ADCY7: variants seen among roughly 807,000 people sequenced by gnomAD.
The protein encoded by ADCY7 is adenylate cyclase type 7.
ADCY7 carries 72 observed loss-of-function variants against 120.6 expected under a neutral mutation model. That is an observed-to-expected ratio of 0.60 (90% CI 0.49 to 0.73). The LOEUF is 0.73. ADCY7 is among the 30% of genes least tolerant of loss of function. The pLI is 0.00. For missense variants in ADCY7, 1,227 were observed against 1,486.0 expected, an observed-to-expected ratio of 0.83 and a Z score of 2.87; for synonymous variants, 661 against 628.0, an observed-to-expected ratio of 1.05 and a Z score of -0.78.
At chr16:50,270,526 T>C (rs2033497492) in intron 1 of ADCY7, among the ~76,000 whole-genome samples, 1 of 152,182 alleles carries the variant, frequency 6.6e-6, no homozygotes, top group Admixed American at 6.5e-5. Context: ...TTAAATGAGC[T>C]GATGCACACT....
At chr16:50,246,181 G>C (rs1425865229) in exon 1 of ADCY7, 1 of 149,312 alleles carries the variant, frequency 6.7e-6, no homozygotes, top group Non-Finnish European at 1.5e-5. Flanking sequence ...CTCGGGCGGC[G>C]GTGGAGCGGG....
Position 50,298,960 on chromosome 16 carries a change from C to T in ADCY7, c.1005C>T (p.Gly335=), listed in dbSNP as rs74517084. Residue 335 remains glycine, a synonymous_variant, in exon 8 of 26, where the codon GGC becomes GGT. Coordinates refer to ENST00000673801, the MANE Select transcript of ADCY7 (RefSeq NM_001114.5). ...ILGDCYYCVS[G]LPVSLPTHAR... ...GCGACTGCTACTACTGTGTATCGGG[C>T]CTGCCCGTGTCGCTGCCTACCCACG... 123 of 1,613,748 alleles carry T rather than the reference C, an allele frequency of 7.6e-5. No individual in the cohort carries two copies. Among genetic ancestry groups the T allele is most frequent in the South Asian group, 9.9e-5 (9 of 91,092 alleles).
intron 1 of ADCY7, among the ~76,000 whole-genome samples, chr16:50,269,715 G>A (rs922293731): frequency 1.3e-5 from 2 of 152,160 alleles, no homozygotes; most frequent in African/African-American, 2.4e-5. Context: ...TCATACTGAG[G>A]TGACACAGCA....
At chr16:50,259,202 C>CA (rs1567528876) in intron 1 of ADCY7, among the ~76,000 whole-genome samples, 1 of 152,032 alleles carries the variant, frequency 6.6e-6, no homozygotes, top group African/African-American at 2.4e-5. Flanking sequence ...TTCTTGTATG[C>CA]AAAAAAATAC....
intron 1 of ADCY7, among the ~76,000 whole-genome samples, chr16:50,272,525 T>G (rs533069986): frequency 6.7e-4 from 102 of 152,232 alleles, no homozygotes; most frequent in African/African-American, 2.3e-3. Context: ...ACTGAGGCCC[T>G]GGGAGCTCTG....
At chr16:50,305,068 C>T in intron 12 of ADCY7, 109 bp downstream of exon 12, 1 of 1,427,986 alleles carries the variant, frequency 7.0e-7, no homozygotes, top group South Asian at 1.1e-5. Flanking sequence ...CAGCCCAGGA[C>T]CTCTGTGAAG....
At chr16:50,271,621 A>G (rs895277473) in intron 1 of ADCY7, among the ~76,000 whole-genome samples, 4 of 149,986 alleles carry the variant, frequency 2.7e-5, no homozygotes, top group African/African-American at 9.8e-5. Context: ...TTCCCTCCCC[A>G]CTCCCGCCAC....
intron 1 of ADCY7, among the ~76,000 whole-genome samples, chr16:50,255,688 C>T (rs2032899475): frequency 6.6e-6 from 1 of 152,160 alleles, no homozygotes; most frequent in South Asian, 2.1e-4. Flanking sequence ...GATGGGGTTT[C>T]AACATGCTGC....
In ADCY7 at chr16:50,301,168, A is replaced by G; in HGVS notation, c.1322A>G (p.Tyr441Cys). The change falls in exon 10 of 26, where the codon TAC becomes TGC. Residue 441 changes from tyrosine to cysteine, a missense_variant. This residue lies in a region of ADCY7 where 332 missense variants were observed against 455.8 expected (regional missense o/e 0.73). Transcript: ENST00000673801. ...GGGCACGGGCAGCAGCGGGACCCCT[A>G]CCTCAAGGAGATGAACATCCGCACC... is the stretch of plus-strand genomic sequence containing the variant. ...EDGHGQQRDP[Y>C]LKEMNIRTYL... 1 of 1,612,126 alleles carries G rather than the reference A, an allele frequency of 6.2e-7. No homozygotes were observed. Among genetic ancestry groups the G allele is most frequent in the Non-Finnish European group, 8.5e-7 (1 of 1,179,074 alleles).
chr16:50,283,144 C>T (rs2034380242), intron 1 of ADCY7, among the ~76,000 whole-genome samples: 1 of 152,190 alleles, frequency 6.6e-6, no homozygotes, highest in East Asian at 1.9e-4. Context: ...TTGTTAGACG[C>T]AACAAACTGG....
upstream of ADCY7, among the ~76,000 whole-genome samples, chr16:50,264,410 T>C (rs2033135176): frequency 6.6e-6 from 1 of 152,278 alleles, no homozygotes; most frequent in Middle Eastern, 3.2e-3. Flanking sequence ...ACTGTTAGGA[T>C]GAAAGCTTCT....
rs998474561 is a variant in ADCY7, at chr16:50,297,342, C to G, written c.949-1562C>G. 2.6e-5 allele frequency among the ~76,000 whole-genome samples: 4 copies of G among 152,258 alleles called. No homozygotes were observed. Among genetic ancestry groups the G allele is most frequent in the African/African-American group, 9.6e-5 (4 of 41,472 alleles). On this transcript the variant is annotated intron_variant, in intron 7 of 25. Transcript: ENST00000673801. The surrounding 1 kb of genome is among the most constrained non-coding windows in gnomAD (Gnocchi z 4.4). Reference sequence around the variant, plus strand: ...AAGTGTCAGAGACACAGGGGACTGTCAGCCGGTGGAGCAGCCGGGGGAATG... The same window carrying G: ...AAGTGTCAGAGACACAGGGGACTGTGAGCCGGTGGAGCAGCCGGGGGAATG...
At chr16:50,286,429 CAAAAA>C (rs34686094) in intron 1 of ADCY7, among the ~76,000 whole-genome samples, 39 of 112,338 alleles carry the variant, frequency 3.5e-4, no homozygotes, top group African/African-American at 1.3e-3. Flanking sequence ...GACCCCATCT[CAAAAA>C]AAAAAAAAAA....
intron 19 of ADCY7, 119 bp downstream of exon 19, chr16:50,310,999 G>T: frequency 9.5e-7 from 1 of 1,057,118 alleles, no homozygotes; most frequent in South Asian, 1.6e-5. Context: ...GGGCGGGGCT[G>T]GCAGATGGTG....
At chr16:50,248,198 G>A (rs1016856476) in intron 1 of ADCY7, among the ~76,000 whole-genome samples, 1 of 152,184 alleles carries the variant, frequency 6.6e-6, no homozygotes, top group Non-Finnish European at 1.5e-5. Flanking sequence ...CCGACCACGG[G>A]CAGCACACAT....
In ADCY7 at chr16:50,304,552, G is replaced by A; in HGVS notation, c.1560+1G>A. On this transcript the variant is annotated splice_donor_variant, in intron 11 of 25. Coordinates refer to ENST00000673801, the MANE Select transcript of ADCY7 (RefSeq NM_001114.5). LOFTEE classifies it high-confidence loss of function. ...CGTCCCCAACGGGCGGAGGCCTAAG[G>A]TAGGTCCCCCTCCCACCCAGAAAGC... 2.0e-6 allele frequency: 3 copies of A among 1,536,816 alleles called. No homozygotes were observed. The highest frequency in any genetic ancestry group is 2.6e-6 in the Non-Finnish European group (3 of 1,139,560).
intron 1 of ADCY7, among the ~76,000 whole-genome samples, chr16:50,280,972 G>C (rs2034221655): frequency 6.6e-6 from 1 of 152,142 alleles, no homozygotes; most frequent in Admixed American, 6.5e-5. Context: ...GGGTGCTTGG[G>C]GGCTATGGAG....
intron 7 of ADCY7, among the ~76,000 whole-genome samples, chr16:50,296,141 C>T (rs1314795875): frequency 1.3e-5 from 2 of 152,198 alleles, no homozygotes; most frequent in African/African-American, 4.8e-5. Flanking sequence ...CAGCCTCAAC[C>T]TGCCTGGGCT....
At chr16:50,280,277 A>G (rs2034169230) in intron 1 of ADCY7, among the ~76,000 whole-genome samples, 1 of 151,426 alleles carries the variant, frequency 6.6e-6, no homozygotes, top group Non-Finnish European at 1.5e-5. Flanking sequence ...TGGGGTCATT[A>G]GTAACATTCC....
Sources: allele counts gnomAD v4.1 joint callset (sites outside exome capture counted in the v4.1 genomes callset), GRCh38; gene constraint gnomAD v4.1.1; regional missense constraint gnomAD v4.1.1; non-coding constraint Gnocchi (gnomAD v3.1); transcripts MANE v1.5; gene names NCBI Gene and HGNC (gene_info 2026-07-23, HGNC 2026-07-21).